HERC1: variants seen among roughly 807,000 people sequenced by gnomAD.
The protein encoded by HERC1 is HECT and RLD domain containing E3 ubiquitin protein ligase family member 1, also known as probable E3 ubiquitin-protein ligase HERC1.
HERC1 carries 160 observed loss-of-function variants against 554.3 expected under a neutral mutation model. That is an observed-to-expected ratio of 0.29 (90% CI 0.25 to 0.33). The LOEUF is 0.33. Among genes scored for constraint, HERC1 ranks in the 10% least tolerant of loss-of-function variants. HERC1 has a pLI of 1.00. For synonymous variants in HERC1, 2,175 were observed against 2,131.7 expected (o/e 1.02, Z -0.56); for missense variants, 4,919 against 5,918.5 (o/e 0.83, Z 5.54).
At position 63,701,771 on chromosome 15, in the gene HERC1, A is replaced by ACATCAAAAAGTTTT. The variant is rs1436514004; in HGVS notation, c.4637-2776_4637-2775insAAAACTTTTTGATG. Among the ~76,000 whole-genome samples, 1,130 of 152,336 alleles carry ACATCAAAAAGTTTT rather than the reference A, an allele frequency of 7.4e-3. 13 individuals carry two copies. Among genetic ancestry groups the ACATCAAAAAGTTTT allele is most frequent in the African/African-American group, 0.026 (1,088 of 41,564 alleles). On this transcript the variant is annotated intron_variant, in intron 25 of 77. Transcript: ENST00000443617. ...TTTAGTTTGACATCAAAAAGACTTA[A>ACATCAAAAAGTTTT]AACACAAAAATTTATAATATGGAAA... is the stretch of plus-strand genomic sequence containing the variant.
intron 1 of HERC1, among the ~76,000 whole-genome samples, chr15:63,815,743 C>G (rs796833008): frequency 2.2e-4 from 34 of 152,280 alleles, no homozygotes; most frequent in African/African-American, 7.5e-4. Context: ...AGTCCGGTCT[C>G]ATGCTGCTGT....
Position 63,718,121 on chromosome 15 carries a change from C to CACACACACACACACACACAT in HERC1, c.3978+452_3978+453insATGTGTGTGTGTGTGTGTGT, listed in dbSNP as rs140819055. The stretch of plus-strand genomic sequence containing the variant: ...ACACACACACACACACACACACACA[C>CACACACACACACACACACAT]ACAACCCCCTCCTTGGTTTTCACTT... On this transcript the variant is annotated intron_variant, in intron 21 of 77. Coordinates refer to ENST00000443617, the MANE Select transcript of HERC1 (RefSeq NM_003922.4). The surrounding 1 kb of genome is among the most constrained non-coding windows in gnomAD (Gnocchi z 4.2). Among the ~76,000 whole-genome samples, 22 of 142,970 alleles carry CACACACACACACACACACAT rather than the reference C, an allele frequency of 1.5e-4. 1 individual carries two copies. The highest frequency in any genetic ancestry group is 2.5e-4 in the Non-Finnish European group (16 of 65,130). The allele number at this position is 142,970 out of a possible 152,430, so 93.8% of individuals were successfully genotyped here. A position where few individuals can be genotyped will look rare whatever the true frequency, so the allele number is the denominator to read the frequency against.
At chr15:63,716,096 C>T (rs2073540712) in intron 22 of HERC1, among the ~76,000 whole-genome samples, 1 of 152,126 alleles carries the variant, frequency 6.6e-6, no homozygotes, top group African/African-American at 2.4e-5. Context: ...AGCTTCTCAG[C>T]CCTGAATATG....
At chr15:63,668,675 C>A (rs7168622) in intron 40 of HERC1, among the ~76,000 whole-genome samples, 14,808 of 152,002 alleles carry the variant, frequency 0.097, 1,274 homozygotes, top group East Asian at 0.37. Context: ...AAAAATATCA[C>A]CAAGGATAAA....
chr15:63,617,473 G>A (rs1424826070), intron 74 of HERC1, among the ~76,000 whole-genome samples: 2 of 152,162 alleles, frequency 1.3e-5, no homozygotes, highest in African/African-American at 4.8e-5. Flanking sequence ...AAACATACGT[G>A]TGCATGTGTC....
In HERC1 at chr15:63,686,460, A is replaced by G. The variant is rs964316621; in HGVS notation, c.6124T>C (p.Cys2042Arg). ...EVSFDPEKAQ[C>R]CLVENGQILT... The stretch of plus-strand genomic sequence containing the variant: ...ATCTGTCCATTCTCCACTAGGCAAC[A>G]CTGAGCTTTCTCCGGGTCAAAGGAT... The change falls in exon 34 of 78, where the codon TGT becomes CGT. Residue 2042 changes from cysteine to arginine, a missense_variant. Around this residue, in one of 11 missense-constraint regions of HERC1, gnomAD observed 1,121 missense variants for 1,244.0 expected, o/e 0.90. Transcript: ENST00000443617. 1 of 1,613,754 alleles carries G rather than the reference A, an allele frequency of 6.2e-7. No individual in the cohort carries two copies. The highest frequency in any genetic ancestry group is 8.5e-7 in the Non-Finnish European group (1 of 1,179,780).
At chr15:63,662,902 A>G in intron 44 of HERC1, 82 bp downstream of exon 44, 1 of 1,043,090 alleles carries the variant, frequency 9.6e-7, no homozygotes. Flanking sequence ...TTTCAACTCT[A>G]GGCAAGGCTG....
chr15:63,824,797 A>G (rs2077828721), intron 1 of HERC1, among the ~76,000 whole-genome samples: 1 of 152,092 alleles, frequency 6.6e-6, no homozygotes, highest in Non-Finnish European at 1.5e-5. Context: ...ACAACAAAAC[A>G]AATGAAACTG....
At chr15:63,815,491 G>T (rs916469517) in intron 1 of HERC1, among the ~76,000 whole-genome samples, 1 of 152,174 alleles carries the variant, frequency 6.6e-6, no homozygotes, top group Admixed American at 6.6e-5. Context: ...ACCGTGCCTG[G>T]ATGTAGTAAA....
intron 24 of HERC1, among the ~76,000 whole-genome samples, chr15:63,712,250 A>G (rs533044337): frequency 3.8e-4 from 58 of 152,338 alleles, no homozygotes; most frequent in South Asian, 2.3e-3. Context: ...ACGTCCACTC[A>G]AAAGAGAAAG....
intron 12 of HERC1, among the ~76,000 whole-genome samples, chr15:63,744,164 G>GTGTGTGTGTGTCTCTCTCTC: frequency 2.2e-5 from 1 of 46,222 alleles, no homozygotes; most frequent in South Asian, 6.3e-4. Flanking sequence ...GTGTGTGTGT[G>GTGTGTGTGTGTCTCTCTCTC]TCTCTCTCTC....
chr15:63,773,433 A>T (rs1419462036), intron 2 of HERC1, among the ~76,000 whole-genome samples: 4 of 143,272 alleles, frequency 2.8e-5, no homozygotes, highest in Non-Finnish European at 6.1e-5. Context: ...GACAAGAGCT[A>T]GACTCTGTCT....
At chr15:63,701,143 G>A (rs970428716) in intron 25 of HERC1, among the ~76,000 whole-genome samples, 5 of 152,116 alleles carry the variant, frequency 3.3e-5, no homozygotes, top group African/African-American at 9.6e-5. Flanking sequence ...TATTAGAACT[G>A]CAGAAGAAAA....
chr15:63,726,316 A>G (rs2074038754), intron 17 of HERC1, among the ~76,000 whole-genome samples: 2 of 152,108 alleles, frequency 1.3e-5, no homozygotes. Context: ...ATTTGTTTTT[A>G]AAAGTTCTTG....
At chr15:63,644,751 T>A (rs932739708) in intron 57 of HERC1, among the ~76,000 whole-genome samples, 7 of 152,218 alleles carry the variant, frequency 4.6e-5, no homozygotes, top group African/African-American at 1.7e-4. Context: ...ATCAATTATA[T>A]CCACTATCAC....
In HERC1 at chr15:63,649,840, T is replaced by C; in HGVS notation, c.10632A>G (p.Gly3544=). ...PEEGPATAWS[G]ESPELLLVGR... The stretch of plus-strand genomic sequence containing the variant: ...CCACCAACAACAATTCTGGAGACTC[T>C]CCTGACCAGGCTGTAGCCGGACCCT... The change falls in exon 54 of 78, where the codon GGA becomes GGG. Residue 3544 remains glycine (G), a synonymous_variant. Transcript: ENST00000443617. 6.2e-7 allele frequency: 1 copy of C among 1,613,288 alleles called. No individual in the cohort carries two copies. Among genetic ancestry groups the C allele is most frequent in the South Asian group, 1.1e-5 (1 of 90,858 alleles).
chr15:63,692,281 A>T lies in HERC1; in HGVS notation c.5830+130T>A. On this transcript the variant is annotated intron_variant, in intron 31 of 77. Transcript: ENST00000443617. This position sits in a 1 kb window ranked among gnomAD's most constrained non-coding sequence, Gnocchi z 4.7. ...AGAGTTTTCTTTTGATCAAATAGGT[A>T]CGCAGAAAATAAGAAAGAAAAGCCT... 1 of 634,334 alleles carries T rather than the reference A, an allele frequency of 1.6e-6. No individual in the cohort carries two copies. The allele number at this position is 634,334 out of a possible 1,614,324, so 39.3% of individuals were successfully genotyped here. A position where few individuals can be genotyped will look rare whatever the true frequency, so the allele number is the denominator to read the frequency against.
At chr15:63,785,317 A>G (rs1264405112) in intron 1 of HERC1, among the ~76,000 whole-genome samples, 7 of 152,150 alleles carry the variant, frequency 4.6e-5, no homozygotes, top group Admixed American at 4.6e-4. Context: ...CCAGCAACTT[A>G]GGCTTGGGTG....
chr15:63,830,398 A>T (rs561541518), intron 1 of HERC1, among the ~76,000 whole-genome samples: 7 of 152,338 alleles, frequency 4.6e-5, no homozygotes, highest in African/African-American at 1.7e-4. Flanking sequence ...GTTCTAAAAA[A>T]TAACAGTACT....
Sources: gnomAD v4.1 joint callset for allele counts (sites outside exome capture counted in the v4.1 genomes callset) on GRCh38, gnomAD v4.1.1 for gene constraint, gnomAD v4.1.1 regional missense constraint, Gnocchi (gnomAD v3.1) non-coding constraint, MANE v1.5 for transcripts, NCBI Gene and HGNC (gene_info 2026-07-23, HGNC 2026-07-21) for gene names.